The following C1orf21 variants were observed in gnomAD, a reference collection of about 807,000 sequenced individuals.
C1orf21 encodes the protein chromosome 1 open reading frame 21.
In C1orf21, 3 loss-of-function variants were observed where a neutral mutation model predicts 18.7. The observed-to-expected ratio is 0.16, with a 90% CI of 0.07 to 0.42. C1orf21 has a LOEUF of 0.42. Among genes scored for constraint, C1orf21 ranks in the 10% least tolerant of loss-of-function variants. The probability of loss-of-function intolerance (pLI) is 0.99; values close to 1 mark genes in which losing one functional copy is unlikely to be tolerated. For missense variants in C1orf21, 104 were observed against 143.6 expected, an observed-to-expected ratio of 0.72 and a Z score of 1.41; for synonymous variants, 41 against 46.4, an observed-to-expected ratio of 0.88 and a Z score of 0.47.
At chr1:184,546,104 T>G (rs1328670768) in intron 3 of C1orf21, 1 of 152,216 alleles carries the variant, frequency 6.6e-6, no homozygotes, top group Non-Finnish European at 1.5e-5. Context: ...TTACAGCATA[T>G]CTATGGCTTT....
intron 3 of C1orf21, among the ~76,000 whole-genome samples, chr1:184,587,838 C>G (rs1012305264): frequency 5.9e-5 from 9 of 151,974 alleles, no homozygotes; most frequent in African/African-American, 2.2e-4. Context: ...TGCTCTGGAG[C>G]TCCTGACCTC....
intron 5 of C1orf21, among the ~76,000 whole-genome samples, chr1:184,602,674 G>T (rs1428887708): frequency 2.0e-5 from 3 of 152,158 alleles, no homozygotes; most frequent in African/African-American, 7.2e-5. Context: ...GCCTGTGGAG[G>T]AGTTTCTGAA....
At chr1:184,567,626 C>A in intron 3 of C1orf21, 1 of 433,078 alleles carries the variant, frequency 2.3e-6, no homozygotes, top group Non-Finnish European at 4.6e-6. Context: ...GTGGAGGATG[C>A]TAGGCAGACT....
At chr1:184,470,072 T>TTG (rs1657471860) in intron 1 of C1orf21, among the ~76,000 whole-genome samples, 1 of 152,188 alleles carries the variant, frequency 6.6e-6, no homozygotes, top group African/African-American at 2.4e-5. Context: ...GCATTCAGTT[T>TTG]TGTGTGTGTG....
chr1:184,557,091 C>A (rs182605913), intron 3 of C1orf21, among the ~76,000 whole-genome samples: 5 of 152,222 alleles, frequency 3.3e-5, no homozygotes, highest in Admixed American at 1.3e-4. Flanking sequence ...GAGCTGCTCT[C>A]TGCTCCCACC....
chr1:184,476,073 A>G lies in C1orf21; in HGVS notation c.-124-1313A>G, dbSNP rs1657566776. Among the ~76,000 whole-genome samples the G allele has an allele frequency of 3.9e-5, 6 of 152,220 alleles. No homozygotes were observed. The South Asian group carries it at 1.2e-3, about 32-fold the overall frequency. On this transcript the variant is annotated intron_variant, in intron 1 of 5. Transcript: ENST00000235307. ...GATCACTGCCTTTTTATCTAAGTTC[A>G]TTTATTAGATCGATTATGTTAATTT...
At chr1:184,422,451 T>A (rs1656560338) in intron 1 of C1orf21, among the ~76,000 whole-genome samples, 1 of 152,180 alleles carries the variant, frequency 6.6e-6, no homozygotes, top group African/African-American at 2.4e-5. Context: ...AGGTAGGAGC[T>A]ATTATTATTC....
At chr1:184,420,732 G>A (rs1656534728) in intron 1 of C1orf21, among the ~76,000 whole-genome samples, 1 of 151,694 alleles carries the variant, frequency 6.6e-6, no homozygotes, top group South Asian at 2.1e-4. Flanking sequence ...TAAAAAATAA[G>A]TTGATGTCTA....
chr1:184,562,256 G>T (rs1658978624), intron 3 of C1orf21, among the ~76,000 whole-genome samples: 1 of 151,994 alleles, frequency 6.6e-6, no homozygotes, highest in Non-Finnish European at 1.5e-5. Context: ...AGAATGGAAA[G>T]AAAAAAATTA....
At chr1:184,498,030 T>G (rs1319618466) in intron 2 of C1orf21, among the ~76,000 whole-genome samples, 1 of 152,124 alleles carries the variant, frequency 6.6e-6, no homozygotes, top group Non-Finnish European at 1.5e-5. Flanking sequence ...ACTCTGGGCT[T>G]TCAGTGCCTC....
chr1:184,539,858 A>G (rs1051248083), intron 3 of C1orf21: 6 of 152,176 alleles, frequency 3.9e-5, no homozygotes, highest in Admixed American at 1.3e-4. Flanking sequence ...GCAGAATTCT[A>G]CAATCTCCAT....
intron 3 of C1orf21, among the ~76,000 whole-genome samples, chr1:184,536,678 G>A (rs1241896516): frequency 6.6e-6 from 1 of 152,048 alleles, no homozygotes; most frequent in Non-Finnish European, 1.5e-5. Context: ...AATAATGTGT[G>A]CAAGTTCCAT....
intron 3 of C1orf21, among the ~76,000 whole-genome samples, chr1:184,586,489 T>C (rs566375575): frequency 2.2e-4 from 34 of 152,058 alleles, no homozygotes; most frequent in Non-Finnish European, 4.4e-4. Context: ...TTCACCGTGT[T>C]AGCCAGGATG....
rs1358003755 is a variant in C1orf21, at chr1:184,624,826, T to G, written c.*5270T>G. On this transcript the variant is annotated 3_prime_UTR_variant, in exon 6 of 6. Transcript: ENST00000235307. ...ACTCCTCAGAGTTCCTCTTCTTGCT[T>G]CTTGAATCACATCCTCTAAAGATGA... The G allele has an allele frequency of 6.6e-6, 1 of 152,200 alleles. No individual in the cohort carries two copies. Among genetic ancestry groups the G allele is most frequent in the African/African-American group, 2.4e-5 (1 of 41,452 alleles). The allele number at this position is 152,200 out of a possible 1,614,324, so 9.4% of individuals were successfully genotyped here.
At chr1:184,500,244 GATGA>G (rs1333555913) in intron 2 of C1orf21, among the ~76,000 whole-genome samples, 1 of 152,162 alleles carries the variant, frequency 6.6e-6, no homozygotes, top group African/African-American at 2.4e-5. Context: ...CTTGTCAGAA[GATGA>G]ATGTTCCAGG....
At chr1:184,596,644 T>C (rs1659517418) in intron 4 of C1orf21, among the ~76,000 whole-genome samples, 1 of 151,828 alleles carries the variant, frequency 6.6e-6, no homozygotes, top group South Asian at 2.1e-4. Flanking sequence ...CCGAGGTGAG[T>C]GGATCACCTG....
At chr1:184,580,220 T>C (rs1045740166) in intron 3 of C1orf21, among the ~76,000 whole-genome samples, 3 of 152,206 alleles carry the variant, frequency 2.0e-5, no homozygotes, top group African/African-American at 7.2e-5. Flanking sequence ...TCACTTTGAT[T>C]GTGCTTTGTC....
chr1:184,495,191 T>C (rs188103795), intron 2 of C1orf21, among the ~76,000 whole-genome samples: 66 of 152,300 alleles, frequency 4.3e-4, no homozygotes, highest in African/African-American at 1.5e-3. Context: ...AACAGCCACC[T>C]CCCTTTCACC....
At position 184,623,490 on chromosome 1, in the gene C1orf21, C is replaced by G. The variant is rs995998066; in HGVS notation, c.*3934C>G. 7 of 151,982 alleles carry G rather than the reference C, an allele frequency of 4.6e-5. No individual in the cohort carries two copies. Among genetic ancestry groups the G allele is most frequent in the African/African-American group, 1.7e-4 (7 of 41,464 alleles). The allele number at this position is 151,982 out of a possible 1,614,324, so 9.4% of individuals were successfully genotyped here. ...ATTGGACTTTTTCTTGTTTAAAACC[C>G]CAACCAAAAAAAATAATAAGGCATG... On this transcript the variant is annotated 3_prime_UTR_variant, in exon 6 of 6. Transcript: ENST00000235307.
Sources: allele counts gnomAD v4.1 joint callset (sites outside exome capture counted in the v4.1 genomes callset), GRCh38; gene constraint gnomAD v4.1.1; transcripts MANE v1.5; gene names NCBI Gene and HGNC (gene_info 2026-07-23, HGNC 2026-07-21).